The following REV1 variants were observed in gnomAD, a reference collection of about 807,000 sequenced individuals.
REV1 encodes the protein translesion synthesis protein REV1.
REV1 carries 42 observed loss-of-function variants against 137.4 expected under a neutral mutation model. That is an observed-to-expected ratio of 0.31 (90% CI 0.24 to 0.40). REV1 has a LOEUF of 0.40. Among genes scored for constraint, REV1 ranks in the 10% least tolerant of loss-of-function variants. REV1 has a pLI of 1.00. For missense variants in REV1, 1,282 were observed against 1,490.1 expected, an observed-to-expected ratio of 0.86 and a Z score of 2.30; for synonymous variants, 524 against 519.2, an observed-to-expected ratio of 1.01 and a Z score of -0.12.
chr2:99,407,922 T>G, intron 15 of REV1, 107 bp downstream of exon 15: 1 of 540,602 alleles, frequency 1.8e-6, no homozygotes, highest in Non-Finnish European at 3.1e-6. Flanking sequence ...GCTAAAGACC[T>G]ACATATAAAG....
rs1291109699 is a variant in REV1, at chr2:99,488,916, T to C, written c.-11+901A>G. 2.6e-5 allele frequency among the ~76,000 whole-genome samples: 4 copies of C among 152,226 alleles called. No homozygotes were observed. The East Asian group carries it at 7.7e-4, about 29-fold the overall frequency. The stretch of plus-strand genomic sequence containing the variant: ...GTGCTATGTGCTAGTCTGCATTATT[T>C]TCACCTAAATGAAACCATTTCTACT... On this transcript the variant is annotated intron_variant, in intron 1 of 22. Transcript: ENST00000258428.
intron 1 of REV1, among the ~76,000 whole-genome samples, chr2:99,475,371 T>A (rs986129537): frequency 6.6e-6 from 1 of 152,126 alleles, no homozygotes; most frequent in South Asian, 2.1e-4. Flanking sequence ...CACTTTTAAA[T>A]AAGGAAGAGA....
chr2:99,460,548 A>G (rs968661050), intron 3 of REV1, among the ~76,000 whole-genome samples: 4 of 152,222 alleles, frequency 2.6e-5, no homozygotes, highest in Admixed American at 6.5e-5. Flanking sequence ...TTAAATCAAA[A>G]ACAAAATAGC....
intron 11 of REV1, among the ~76,000 whole-genome samples, chr2:99,420,406 G>A (rs1482351735): frequency 6.6e-6 from 1 of 152,086 alleles, no homozygotes; most frequent in Non-Finnish European, 1.5e-5. Context: ...CAGGCAACTA[G>A]GGACCACCCC....
chr2:99,443,584 T>C (rs1034676462), intron 4 of REV1, among the ~76,000 whole-genome samples: 4 of 152,204 alleles, frequency 2.6e-5, no homozygotes, highest in Non-Finnish European at 4.4e-5. Flanking sequence ...TATATAATTA[T>C]GTCAATATAT....
rs756520584 is a variant in REV1, at chr2:99,405,894, G to A, written c.2811+16C>T. 6.7e-7 allele frequency: 1 copy of A among 1,485,316 alleles called. No homozygotes were observed. Among genetic ancestry groups the A allele is most frequent in the African/African-American group, 1.4e-5 (1 of 70,814 alleles). 92.0% of individuals were successfully genotyped at this position (1,485,316 alleles called of 1,614,324 possible). ...GAGTATAAAATGTACTTATATTTAG[G>A]ACTACAAAAATGTACCTGGGAAGGT... On this transcript the variant is annotated intron_variant, in intron 17 of 22. Transcript: ENST00000258428.
intron 3 of REV1, among the ~76,000 whole-genome samples, chr2:99,461,975 G>A (rs1684262842): frequency 6.6e-6 from 1 of 152,196 alleles, no homozygotes. Context: ...GTAGGAATGA[G>A]AAAATGAATA....
intron 1 of REV1, among the ~76,000 whole-genome samples, chr2:99,477,131 C>T (rs1428594611): frequency 6.6e-6 from 1 of 152,112 alleles, no homozygotes; most frequent in East Asian, 1.9e-4. Flanking sequence ...ATTCATTCTT[C>T]TTTCTTACTT....
intron 1 of REV1, among the ~76,000 whole-genome samples, chr2:99,474,402 A>G (rs1383548644): frequency 1.3e-5 from 2 of 152,246 alleles, no homozygotes; most frequent in African/African-American, 4.8e-5. Context: ...AATGGAAAAA[A>G]TAATAATGGT....
Position 99,404,662 on chromosome 2 carries a change from A to G in REV1, c.2827T>C (p.Leu943=), listed in dbSNP as rs1447953487. Residue 943 remains leucine (L), a synonymous_variant, in exon 18 of 23, where the codon TTA becomes CTA. Transcript: ENST00000258428. ...PSPSQLDQSV[L]EALPPDLREQ... ...CGGAGATCAGGTGGAAGTGCTTCTA[A>G]AACAGACTGATCCAGCTATAAAATG... The G allele has an allele frequency of 1.2e-6, 2 of 1,611,024 alleles. No individual in the cohort carries two copies. The highest frequency in any genetic ancestry group is 3.3e-4 in the Middle Eastern group (2 of 6,050).
At chr2:99,474,908 GA>G (rs202202463) in intron 1 of REV1, among the ~76,000 whole-genome samples, 21,004 of 136,698 alleles carry the variant, frequency 0.15, 1,552 homozygotes, top group East Asian at 0.26. Context: ...TTTCAAAAAA[GA>G]AAAAAAAAAA....
rs28382891 is a variant in REV1 at position 99,436,965 on chromosome 2, C to T, written c.1214-1024G>A. Among the ~76,000 whole-genome samples the T allele has an allele frequency of 1.3e-4, 19 of 151,470 alleles. No individual in the cohort carries two copies. The East Asian group carries it at 2.9e-3, about 23-fold the overall frequency. On this transcript the variant is annotated intron_variant, in intron 6 of 22. Coordinates refer to ENST00000258428, the MANE Select transcript of REV1 (RefSeq NM_016316.4). The stretch of plus-strand genomic sequence containing the variant: ...AAACTGTGACTGTGATAGCATGTAC[C>T]TAATTCTCCCCCAACTTTTTTTTTG...
intron 14 of REV1, 60 bp from the exon 15 acceptor site, chr2:99,408,191 A>G: frequency 1.1e-6 from 1 of 935,974 alleles, no homozygotes; most frequent in South Asian, 1.6e-5. Context: ...CTAGTACTAA[A>G]GTAGTATGGA....
At chr2:99,458,219 T>C (rs1307041599) in intron 3 of REV1, among the ~76,000 whole-genome samples, 1 of 152,128 alleles carries the variant, frequency 6.6e-6, no homozygotes. Flanking sequence ...CTCTAGAATA[T>C]ATAATGAAAT....
intron 11 of REV1, 124 bp downstream of exon 11, chr2:99,421,375 A>G (rs769765624): frequency 2.7e-5 from 21 of 773,576 alleles, no homozygotes; most frequent in Non-Finnish European, 1.0e-5. Flanking sequence ...CACAATTGTA[A>G]GCAATGCTAA....
At chr2:99,468,904 A>G (rs143768393) in intron 1 of REV1, among the ~76,000 whole-genome samples, 10 of 152,350 alleles carry the variant, frequency 6.6e-5, no homozygotes, top group Non-Finnish European at 1.0e-4. Context: ...TTTGAAAACT[A>G]TAACACAGAG....
intron 1 of REV1, among the ~76,000 whole-genome samples, chr2:99,489,037 T>C (rs1443152154): frequency 2.6e-5 from 4 of 152,206 alleles, no homozygotes; most frequent in Admixed American, 2.0e-4. Flanking sequence ...AGGAGTGTTA[T>C]GTGAGATTAT....
Position 99,448,881 on chromosome 2 carries a change from A to G in REV1, c.350+455T>C, listed in dbSNP as rs150978913. ...ACATTAACATGCTACTTTTATTAGG[A>G]TGCCAAATCCTAGGCTATAGTATTA... On this transcript the variant is annotated intron_variant, in intron 4 of 22. Transcript: ENST00000258428. Among the ~76,000 whole-genome samples, 588 of 152,354 alleles carry G rather than the reference A, an allele frequency of 3.9e-3. 1 individual carries two copies. The highest frequency in any genetic ancestry group is 6.7e-3 in the Non-Finnish European group (453 of 68,042).
intron 1 of REV1, among the ~76,000 whole-genome samples, chr2:99,467,981 G>A (rs890658227): frequency 1.3e-5 from 2 of 152,150 alleles, no homozygotes; most frequent in Non-Finnish European, 2.9e-5. Context: ...GGGAGTTTGA[G>A]ACCAGCCTGA....
Sources: allele counts gnomAD v4.1 joint callset (sites outside exome capture counted in the v4.1 genomes callset), GRCh38; gene constraint gnomAD v4.1.1; transcripts MANE v1.5; gene names NCBI Gene and HGNC (gene_info 2026-07-23, HGNC 2026-07-21).